The following RBFOX1 variants were observed in gnomAD, a reference collection of about 807,000 sequenced individuals.
RBFOX1 encodes RNA binding protein fox-1 homolog 1.
Under a neutral mutation model 57.7 loss-of-function variants are expected in RBFOX1, and 8 were observed. The ratio of observed to expected loss-of-function variants is 0.14; its 90% CI spans 0.08 to 0.25. RBFOX1 has a LOEUF of 0.25. Among genes scored for constraint, RBFOX1 ranks in the 10% least tolerant of loss-of-function variants. The pLI, the probability that RBFOX1 is intolerant of heterozygous loss-of-function variation, is 1.00. For synonymous variants in RBFOX1, 326 were observed against 222.4 expected (o/e 1.47, Z -4.15); for missense variants, 611 against 548.5 (o/e 1.11, Z -1.14).
intron 4 of RBFOX1, among the ~76,000 whole-genome samples, chr16:5,964,854 G>A (rs143757731): frequency 6.6e-6 from 1 of 151,936 alleles, no homozygotes; most frequent in African/African-American, 2.4e-5. Context: ...AATGACCTTA[G>A]AGTTCATTAA....
At chr16:7,550,266 C>G (rs991369132) in intron 5 of RBFOX1, among the ~76,000 whole-genome samples, 1 of 148,712 alleles carries the variant, frequency 6.7e-6, no homozygotes, top group African/African-American at 2.5e-5. Flanking sequence ...TTTTTTTTGG[C>G]TGGGCTGGGA....
intron 3 of RBFOX1, among the ~76,000 whole-genome samples, chr16:6,836,944 G>A (rs1460443800): frequency 6.6e-6 from 1 of 152,140 alleles, no homozygotes; most frequent in African/African-American, 2.4e-5. Context: ...TTCCATATCA[G>A]TAGAAGGGTG....
intron 2 of RBFOX1, among the ~76,000 whole-genome samples, chr16:6,598,130 C>G (rs1298815267): frequency 2.0e-5 from 3 of 152,194 alleles, no homozygotes; most frequent in African/African-American, 7.2e-5. Context: ...ACCAATGTAT[C>G]CACATCCGTG....
At chr16:6,968,679 G>C (rs2084836478) in intron 3 of RBFOX1, among the ~76,000 whole-genome samples, 2 of 152,104 alleles carry the variant, frequency 1.3e-5, no homozygotes, top group Non-Finnish European at 2.9e-5. Context: ...ACAAGGTGCT[G>C]GCCTCCCATC....
intron 3 of RBFOX1, among the ~76,000 whole-genome samples, chr16:6,808,278 C>G (rs531951950): frequency 2.0e-5 from 3 of 151,674 alleles, no homozygotes; most frequent in East Asian, 1.9e-4. Flanking sequence ...GGAATTACCT[C>G]TTATCTTTTT....
chr16:6,872,810 A>G (rs1435708780), intron 3 of RBFOX1, among the ~76,000 whole-genome samples: 1 of 152,212 alleles, frequency 6.6e-6, no homozygotes, highest in African/African-American at 2.4e-5. Flanking sequence ...TTCGAACAAA[A>G]TGGTTAAATT....
chr16:7,376,573 C>T (rs907160611), intron 4 of RBFOX1, among the ~76,000 whole-genome samples: 1 of 152,162 alleles, frequency 6.6e-6, no homozygotes, highest in African/African-American at 2.4e-5. Flanking sequence ...CTGGGTTAGA[C>T]CTCCAGCTAA....
intron 2 of RBFOX1, among the ~76,000 whole-genome samples, chr16:6,625,853 G>A (rs1221568499): frequency 2.6e-5 from 4 of 152,182 alleles, no homozygotes; most frequent in African/African-American, 9.7e-5. Flanking sequence ...ATTTAATGAT[G>A]TCTGCCATTG....
chr16:7,693,793 C>A (rs552625984), intron 14 of RBFOX1, among the ~76,000 whole-genome samples: 1 of 152,118 alleles, frequency 6.6e-6, no homozygotes, highest in Non-Finnish European at 1.5e-5. Context: ...ATATTAGAGG[C>A]TGTAAAAGAC....
intron 2 of RBFOX1, among the ~76,000 whole-genome samples, chr16:6,489,297 C>T (rs1432227382): frequency 6.6e-6 from 1 of 152,094 alleles, no homozygotes; most frequent in East Asian, 1.9e-4. Flanking sequence ...TTCCTCTTAT[C>T]TTTAAAGGTT....
intron 3 of RBFOX1, among the ~76,000 whole-genome samples, chr16:6,836,645 G>A (rs72766794): frequency 5.9e-5 from 9 of 152,236 alleles, no homozygotes; most frequent in Middle Eastern, 6.8e-3. Context: ...CTTTCACCCC[G>A]CTTCGGGGGT....
intron 3 of RBFOX1, among the ~76,000 whole-genome samples, chr16:5,650,871 A>G (rs1211171313): frequency 6.6e-6 from 1 of 151,832 alleles, no homozygotes; most frequent in African/African-American, 2.4e-5. Flanking sequence ...AAGCCAGTGA[A>G]TGAGACACAG....
At chr16:7,185,453 C>G (rs906226905) in intron 4 of RBFOX1, among the ~76,000 whole-genome samples, 19 of 152,146 alleles carry the variant, frequency 1.2e-4, no homozygotes, top group African/African-American at 4.1e-4. Context: ...AATGGTAAGA[C>G]TAGATTAGAG....
chr16:5,736,935 C>G lies in RBFOX1; in HGVS notation c.319-130368C>G, dbSNP rs80335804. Among the ~76,000 whole-genome samples, 700 of 149,314 alleles carry G rather than the reference C, an allele frequency of 4.7e-3. 5 individuals are homozygous for G. Among genetic ancestry groups the G allele is most frequent in the Middle Eastern group, 0.022 (6 of 278 alleles). On this transcript the variant is annotated intron_variant, in intron 3 of 19. Transcript: ENST00000641259. The stretch of plus-strand genomic sequence containing the variant: ...TCTCCCCCTCCCTCTCTCCCTGTCT[C>G]TCTTCCTCCCTTCTTTCCTGGCCCC...
At chr16:5,630,266 G>A (rs1179617025) in intron 3 of RBFOX1, among the ~76,000 whole-genome samples, 2 of 152,092 alleles carry the variant, frequency 1.3e-5, no homozygotes, top group Non-Finnish European at 2.9e-5. Flanking sequence ...AGACCAGCCT[G>A]GGCAACATGG....
At chr16:7,260,991 A>T (rs1041039481) in intron 4 of RBFOX1, among the ~76,000 whole-genome samples, 1 of 152,146 alleles carries the variant, frequency 6.6e-6, no homozygotes, top group Non-Finnish European at 1.5e-5. Context: ...AAAAGATTTG[A>T]GTCACTTCAG....
At chr16:5,648,595 C>T (rs964641013) in intron 3 of RBFOX1, among the ~76,000 whole-genome samples, 4 of 152,052 alleles carry the variant, frequency 2.6e-5, no homozygotes, top group Admixed American at 2.0e-4. Context: ...CACAGGACAT[C>T]TCCCACCACC....
intron 3 of RBFOX1, among the ~76,000 whole-genome samples, chr16:5,622,359 C>G (rs945531504): frequency 2.6e-5 from 4 of 152,280 alleles, no homozygotes; most frequent in African/African-American, 9.6e-5. Context: ...CTGTCTTTTC[C>G]ACCAGAATGT....
At chr16:7,069,581 C>T (rs2056892659) in intron 4 of RBFOX1, among the ~76,000 whole-genome samples, 1 of 152,186 alleles carries the variant, frequency 6.6e-6, no homozygotes, top group African/African-American at 2.4e-5. Flanking sequence ...CTATGGGACA[C>T]ATTCCTTTCA....
Sources: allele counts gnomAD v4.1 joint callset (sites outside exome capture counted in the v4.1 genomes callset), GRCh38; gene constraint gnomAD v4.1.1; transcripts MANE v1.5; gene names NCBI Gene and HGNC (gene_info 2026-07-23, HGNC 2026-07-21).